The following SERPINB7 variants were observed in gnomAD, a reference collection of about 807,000 sequenced individuals.
SERPINB7 encodes serpin family B member 7, also known as serpin B7.
In SERPINB7, 31 loss-of-function variants were observed where a neutral mutation model predicts 37.4. The ratio of observed to expected loss-of-function variants is 0.83; its 90% confidence interval spans 0.62 to 1.12. The LOEUF (loss-of-function observed/expected upper bound fraction) is 1.12, where lower values mean the gene tolerates loss of function less well. Among genes scored for constraint, SERPINB7 ranks in the 50% most tolerant of loss-of-function variants. The probability of loss-of-function intolerance (pLI) is 0.00; values close to 1 mark genes in which losing one functional copy is unlikely to be tolerated. For synonymous variants in SERPINB7, 163 were observed against 166.1 expected (o/e 0.98, Z 0.14); for missense variants, 521 against 455.3 (o/e 1.14, Z -1.31).
At position 63,782,482 on chromosome 18, in the gene SERPINB7, C is replaced by T. The variant is rs765681453; in HGVS notation, c.110C>T (p.Ala37Val). The T allele has an allele frequency of 6.2e-7, 1 of 1,614,216 alleles. No individual in the cohort carries two copies. The highest frequency in any genetic ancestry group is 2.2e-5 in the East Asian group (1 of 44,884). ...NVFFSSLSLFAALALVRLGAQ... is the reference protein window; with the variant it reads ...NVFFSSLSLFVALALVRLGAQ... Reference sequence around the variant, plus strand: ...TTCTTTTCCTCTCTGAGCCTCTTCGCTGCCCTGGCCCTGGTCCGCTTGGGC... The same window carrying T: ...TTCTTTTCCTCTCTGAGCCTCTTCGTTGCCCTGGCCCTGGTCCGCTTGGGC... Residue 37 changes from alanine (A) to valine (V), a missense_variant, in exon 2 of 8, where the codon GCT becomes GTT. Physicochemically the swap from Ala to Val is moderately conservative, Grantham distance 64. Transcript: ENST00000398019.
chr18:63,782,493 C>G lies in SERPINB7; in HGVS notation c.121C>G (p.Leu41Val), dbSNP rs1568207063. ...TCTGAGCCTCTTCGCTGCCCTGGCC[C>G]TGGTCCGCTTGGGCGCTCAAGATGA... ...SSLSLFAALA[L>V]VRLGAQDDSL... The change falls in exon 2 of 8, where the codon CTG becomes GTG. Residue 41 changes from leucine (L) to valine (V), a missense_variant. By Grantham distance (32) the Leu-to-Val change is conservative. Coordinates refer to ENST00000398019, the MANE Select transcript of SERPINB7 (RefSeq NM_003784.4). The G allele has an allele frequency of 6.2e-7, 1 of 1,614,082 alleles. No homozygotes were observed.
chr18:63,753,521 C>T (rs1485310288), intron 1 of SERPINB7, among the ~76,000 whole-genome samples: 1 of 152,162 alleles, frequency 6.6e-6, no homozygotes, highest in African/African-American at 2.4e-5. Flanking sequence ...TGTGTCTGGG[C>T]TTTCTATCTC....
rs2049585821 is a variant in SERPINB7 at position 63,804,477 on chromosome 18, G to T, written c.985G>T (p.Val329Phe). 3 of 1,613,752 alleles carry T rather than the reference G, an allele frequency of 1.9e-6. No individual in the cohort carries two copies. Among genetic ancestry groups the T allele is most frequent in the East Asian group, 2.2e-5 (1 of 44,848 alleles). ...SRMMHKSYIE[V>F]TEEGTEATAA... ...GATGATGCACAAATCTTACATAGAG[G>T]TCACTGAGGAGGGCACCGAGGCTAC... The change falls in exon 8 of 8, where the codon GTC (valine) becomes TTC (phenylalanine). Residue 329 changes from valine to phenylalanine, a missense_variant. Val to Phe is a conservative substitution (Grantham distance 50, BLOSUM62 -1). Coordinates refer to ENST00000398019, the MANE Select transcript of SERPINB7 (RefSeq NM_003784.4).
At chr18:63,760,727 C>T (rs558146335) in intron 1 of SERPINB7, among the ~76,000 whole-genome samples, 4 of 152,312 alleles carry the variant, frequency 2.6e-5, no homozygotes, top group South Asian at 2.1e-4. Flanking sequence ...ATGTACAGCT[C>T]GGGCTATGGC....
chr18:63,766,783 A>G (rs530274669), intron 1 of SERPINB7, among the ~76,000 whole-genome samples: 16 of 152,258 alleles, frequency 1.1e-4, no homozygotes, highest in African/African-American at 3.6e-4. Flanking sequence ...GGATAAAACT[A>G]TCTGTCTGAC....
chr18:63,788,369 T>C (rs1261080764), intron 2 of SERPINB7, among the ~76,000 whole-genome samples: 1 of 152,120 alleles, frequency 6.6e-6, no homozygotes, highest in African/African-American at 2.4e-5. Flanking sequence ...AGTTAAAAAA[T>C]TAAATAAATA....
chr18:63,783,182 AAGAAAGAGAGAGAGAGAGAG>A (rs1403977823), intron 2 of SERPINB7, among the ~76,000 whole-genome samples: 38 of 91,166 alleles, frequency 4.2e-4, no homozygotes, highest in South Asian at 1.3e-3. Context: ...TAAAGAAAGA[AAGAAAGAGAGAGAGAGAGAG>A]AGAGAGAGAG....
At chr18:63,775,779 T>G (rs1448190218) in intron 1 of SERPINB7, 63 bp downstream of exon 1, 3 of 152,150 alleles carry the variant, frequency 2.0e-5, no homozygotes, top group Non-Finnish European at 1.5e-5. Context: ...TATCTTCTGT[T>G]GTAGGCAAGA....
intron 6 of SERPINB7, among the ~76,000 whole-genome samples, chr18:63,799,500 C>A (rs2049524083): frequency 6.6e-6 from 1 of 152,170 alleles, no homozygotes; most frequent in Non-Finnish European, 1.5e-5. Context: ...AGTCCACACA[C>A]CCTATGTAAT....
intron 2 of SERPINB7, among the ~76,000 whole-genome samples, chr18:63,785,683 C>T (rs1437923406): frequency 6.6e-6 from 1 of 151,720 alleles, no homozygotes; most frequent in Non-Finnish European, 1.5e-5. Context: ...TATTTACTGA[C>T]AAAGTCATGG....
intron 2 of SERPINB7, among the ~76,000 whole-genome samples, chr18:63,785,836 C>T (rs574289363): frequency 6.7e-6 from 1 of 148,638 alleles, no homozygotes; most frequent in South Asian, 2.1e-4. Context: ...ATTTCGTAAG[C>T]TACTTACTCC....
chr18:63,761,023 C>A (rs2049150591), intron 1 of SERPINB7, among the ~76,000 whole-genome samples: 1 of 152,188 alleles, frequency 6.6e-6, no homozygotes, highest in Non-Finnish European at 1.5e-5. Flanking sequence ...CCTTCAGACC[C>A]CAGAATGGGA....
upstream of SERPINB7, among the ~76,000 whole-genome samples, chr18:63,773,094 C>T (rs964412739): frequency 9.2e-5 from 14 of 151,904 alleles, no homozygotes; most frequent in Non-Finnish European, 2.1e-4. Context: ...CACAGTAAAA[C>T]GACAAAGAAT....
intron 1 of SERPINB7, among the ~76,000 whole-genome samples, chr18:63,776,058 C>G (rs954393123): frequency 1.3e-5 from 2 of 152,038 alleles, no homozygotes; most frequent in African/African-American, 4.8e-5. Context: ...GGCTTGGTGT[C>G]CCAGCCCATT....
intron 2 of SERPINB7, among the ~76,000 whole-genome samples, chr18:63,783,224 GAGAGAGAGAGAA>G (rs1405224732): frequency 6.0e-3 from 322 of 53,976 alleles, no homozygotes; most frequent in Admixed American, 0.012. Flanking sequence ...GAGAGAGAGA[GAGAGAGAGAGAA>G]AGAAAGAAAG....
intron 2 of SERPINB7, among the ~76,000 whole-genome samples, chr18:63,786,240 A>G (rs1292862861): frequency 4.9e-5 from 7 of 142,034 alleles, no homozygotes; most frequent in Non-Finnish European, 6.2e-5. Context: ...ATATACACAC[A>G]CACACATCCA....
At chr18:63,753,486 T>C (rs2049103719) in intron 1 of SERPINB7, among the ~76,000 whole-genome samples, 2 of 152,218 alleles carry the variant, frequency 1.3e-5, no homozygotes, top group Non-Finnish European at 2.9e-5. Context: ...ACAAGATAGC[T>C]CATACACCAA....
chr18:63,802,582 T>C (rs1343839500), intron 7 of SERPINB7, among the ~76,000 whole-genome samples: 2 of 152,210 alleles, frequency 1.3e-5, no homozygotes, highest in African/African-American at 4.8e-5. Context: ...TGTATAGATA[T>C]GCATATTTGT....
At chr18:63,770,983 T>A (rs1286868617), upstream of SERPINB7, among the ~76,000 whole-genome samples, 2 of 139,740 alleles carry the variant, frequency 1.4e-5, no homozygotes, top group African/African-American at 5.3e-5. Context: ...TCTGAGATGT[T>A]GCCAGAGTGG....
Sources: allele counts gnomAD v4.1 joint callset (sites outside exome capture counted in the v4.1 genomes callset), GRCh38; gene constraint gnomAD v4.1.1; transcripts MANE v1.5; gene names NCBI Gene and HGNC (gene_info 2026-07-23, HGNC 2026-07-21).